LRRC74B: variants seen among roughly 807,000 people sequenced by gnomAD.
LRRC74B encodes leucine-rich repeat-containing protein 74B.
LRRC74B carries 30 observed loss-of-function variants against 16.6 expected under a neutral mutation model. The ratio of observed to expected loss-of-function variants is 1.80; its 90% confidence interval spans 1.35 to 2.45. The LOEUF is 2.45. LRRC74B is among the 30% of genes most tolerant of loss of function. The probability of loss-of-function intolerance (pLI) is 0.00; values close to 1 mark genes in which losing one functional copy is unlikely to be tolerated. For synonymous variants in LRRC74B, 134 were observed against 86.0 expected (o/e 1.56, Z -3.09); for missense variants, 326 against 202.4 (o/e 1.61, Z -3.71).
Position 21,052,436 on chromosome 22 carries a change from C to T in LRRC74B, c.732+78C>T, listed in dbSNP as rs1020845982. The T allele has an allele frequency of 1.4e-4, 97 of 703,620 alleles. 1 individual carries two copies. The highest frequency in any genetic ancestry group is 2.4e-4 in the Non-Finnish European group (91 of 378,602). The allele number at this position is 703,620 out of a possible 1,614,324, so 43.6% of individuals were successfully genotyped here. The stretch of plus-strand genomic sequence containing the variant: ...CCCAGGGGCCACCTCCCTGTCTCTG[C>T]AGCTCCTCGGAAATGAACCTTGGAT... On this transcript the variant is annotated intron_variant, in intron 5 of 8. Coordinates refer to ENST00000442047, the Ensembl canonical transcript of LRRC74B.
At chr22:21,052,249 G>A (rs1930126358) in exon 5 of LRRC74B, 2 of 717,540 alleles carry the variant, frequency 2.8e-6, no homozygotes, top group Admixed American at 2.0e-5. Flanking sequence ...GTTTCTGAAG[G>A]GGAGACACTT....
Position 21,047,932 on chromosome 22 carries a change from C to T in LRRC74B, c.331C>T (p.Arg111Trp), listed in dbSNP as rs764396374. 50 of 717,254 alleles carry T rather than the reference C, an allele frequency of 7.0e-5. 1 individual carries two copies. Among genetic ancestry groups the T allele is most frequent in the South Asian group, 4.6e-4 (31 of 67,592 alleles). 44.4% of individuals were successfully genotyped at this position (717,254 alleles called of 1,614,324 possible). Residue 111 changes from arginine to tryptophan, a missense_variant, in exon 3 of 9, where the codon CGG becomes TGG. Transcript: ENST00000442047. ...ATTGAGCTCCAATCCATATGTCAAG[C>T]GGCTGGACCTTCGAGACAATGGGCT...
At chr22:21,056,579 C>G (rs1009565774) in intron 7 of LRRC74B, 1 of 152,046 alleles carries the variant, frequency 6.6e-6, no homozygotes, top group Admixed American at 6.7e-5. Flanking sequence ...GTTCAGTGCT[C>G]TCACCCCAAG....
intron 8 of LRRC74B, among the ~76,000 whole-genome samples, chr22:21,057,650 A>G (rs2148163546): frequency 7.1e-6 from 1 of 141,152 alleles, no homozygotes; most frequent in South Asian, 2.4e-4. Flanking sequence ...TCAGGGTCTC[A>G]CTCTGTCACC....
In LRRC74B at chr22:21,052,298, T is replaced by G. The variant is rs370475373; in HGVS notation, c.672T>G (p.Leu224=). 345 of 717,470 alleles carry G rather than the reference T, an allele frequency of 4.8e-4. 1 individual carries two copies. The African/African-American group carries it at 5.4e-3, about 11-fold the overall frequency. The allele number at this position is 717,470 out of a possible 1,614,324, so 44.4% of individuals were successfully genotyped here. A position where few individuals can be genotyped will look rare whatever the true frequency, so the allele number is the denominator to read the frequency against. ...CAGAAAACACAGGACTCACCGAGCT[T>G]AACGTGAGCTGGAATCACCTCCGGG... Residue 224 remains leucine, a synonymous_variant, in exon 5 of 9, where the codon CTT becomes CTG. Transcript: ENST00000442047.
At chr22:21,050,330 T>C (rs1436408595) in intron 4 of LRRC74B, among the ~76,000 whole-genome samples, 2 of 151,424 alleles carry the variant, frequency 1.3e-5, no homozygotes, top group Non-Finnish European at 2.9e-5. Flanking sequence ...CCACCGCGCC[T>C]GGCCGAGAAT....
intron 1 of LRRC74B, 66 bp downstream of exon 1, chr22:21,046,191 G>A (rs1929413437): frequency 1.4e-6 from 1 of 704,550 alleles, no homozygotes; most frequent in Non-Finnish European, 2.6e-6. Flanking sequence ...GGGGTTGGGG[G>A]AGGCGGGCTG....
chr22:21,049,007 G>A (rs1375565081), exon 4 of LRRC74B: 17 of 715,736 alleles, frequency 2.4e-5, no homozygotes, highest in African/African-American at 3.5e-5. Context: ...CCTCTGTGCC[G>A]CCCTCACAGT....
At chr22:21,058,070 G>T (rs1265255062) in intron 8 of LRRC74B, among the ~76,000 whole-genome samples, 58 of 144,836 alleles carry the variant, frequency 4.0e-4, no homozygotes, top group Non-Finnish European at 6.8e-4. Flanking sequence ...TTTTTTTTTG[G>T]TATTTTTTTT....
intron 8 of LRRC74B, among the ~76,000 whole-genome samples, chr22:21,058,004 G>C (rs1930636539): frequency 6.6e-6 from 1 of 150,466 alleles, no homozygotes; most frequent in Non-Finnish European, 1.5e-5. Flanking sequence ...TTCTACCTCA[G>C]CCTCCTGAGT....
exon 3 of LRRC74B, chr22:21,047,989 G>A: frequency 2.8e-6 from 2 of 717,278 alleles, no homozygotes; most frequent in Admixed American, 2.0e-5. Flanking sequence ...CCTGGCAGGT[G>A]CCCTGAGCAA....
At chr22:21,049,481 A>G (rs1478883422) in intron 4 of LRRC74B, 5 of 281,426 alleles carry the variant, frequency 1.8e-5, no homozygotes, top group African/African-American at 2.2e-5. Context: ...TACAAAAGAA[A>G]CAAATAGTTT....
intron 1 of LRRC74B, among the ~76,000 whole-genome samples, chr22:21,046,804 T>A (rs1351376247): frequency 6.6e-6 from 1 of 151,704 alleles, no homozygotes; most frequent in African/African-American, 2.4e-5. Flanking sequence ...AATATAAAAA[T>A]TTTTTGGCTG....
At chr22:21,056,150 C>T (rs1438676923) in intron 7 of LRRC74B, among the ~76,000 whole-genome samples, 1 of 152,232 alleles carries the variant, frequency 6.6e-6, no homozygotes, top group African/African-American at 2.4e-5. Context: ...GAAACATGCC[C>T]TGCTTTAAAA....
At chr22:21,048,761 C>T in intron 3 of LRRC74B, 190 bp from the exon 4 acceptor site, 1 of 594,546 alleles carries the variant, frequency 1.7e-6, no homozygotes. Context: ...AGCTGGTGGG[C>T]ACACAGGGAG....
chr22:21,049,278 C>T (rs1164377750), intron 4 of LRRC74B, 121 bp downstream of exon 4: 1 of 604,496 alleles, frequency 1.7e-6, no homozygotes. Context: ...TCCTGCTCCC[C>T]ACACCCCACC....
chr22:21,058,691 C>T (rs1930668349), intron 8 of LRRC74B, among the ~76,000 whole-genome samples: 1 of 152,128 alleles, frequency 6.6e-6, no homozygotes, highest in Admixed American at 6.5e-5. Context: ...TTCTAATGGC[C>T]TGTTCTTGCC....
chr22:21,053,430 G>A (rs937328349), exon 6 of LRRC74B: 1 of 717,298 alleles, frequency 1.4e-6, no homozygotes, highest in African/African-American at 1.7e-5. Flanking sequence ...TCTGCGGTGG[G>A]TGAGGCTCTG....
intron 1 of LRRC74B, among the ~76,000 whole-genome samples, chr22:21,046,486 T>C (rs1340092016): frequency 6.6e-6 from 1 of 152,110 alleles, no homozygotes; most frequent in African/African-American, 2.4e-5. Context: ...AGCATGCAAT[T>C]TGGCATCAGA....
Sources: gnomAD v4.1 joint callset for allele counts (sites outside exome capture counted in the v4.1 genomes callset) on GRCh38, gnomAD v4.1.1 for gene constraint, MANE v1.5 for transcripts, NCBI Gene and HGNC (gene_info 2026-07-23, HGNC 2026-07-21) for gene names.